The following DPP6 variants were observed in gnomAD, a reference collection of about 807,000 sequenced individuals.
The protein encoded by DPP6 is dipeptidyl peptidase like 6, also known as A-type potassium channel modulatory protein DPP6.
A neutral mutation model predicts 122.6 loss-of-function variants in DPP6; 69 were observed. The ratio of observed to expected loss-of-function variants is 0.56; its 90% CI spans 0.46 to 0.69. DPP6 has a LOEUF of 0.69. DPP6 is among the 30% of genes least tolerant of loss of function. The probability of loss-of-function intolerance (pLI) is 0.00; values close to 1 mark genes in which losing one functional copy is unlikely to be tolerated. For missense variants in DPP6, 928 were observed against 1,116.9 expected (o/e 0.83, Z 2.41); for synonymous variants, 418 against 433.1 (o/e 0.97, Z 0.43).
intron 8 of DPP6, among the ~76,000 whole-genome samples, chr7:154,768,691 A>T (rs2316243): frequency 1 from 152,039 of 152,326 alleles, 75,877 homozygotes; most frequent in Middle Eastern, 1. Context: ...TCGTTAAAAC[A>T]CTAACCAGGA....
At chr7:154,260,994 C>A (rs1049729972) in intron 1 of DPP6, among the ~76,000 whole-genome samples, 4 of 152,020 alleles carry the variant, frequency 2.6e-5, no homozygotes, top group Non-Finnish European at 5.9e-5. Flanking sequence ...CTCCTGGGTT[C>A]AAGTGATTCT....
chr7:154,822,406 T>G (rs2150500304), intron 16 of DPP6, among the ~76,000 whole-genome samples: 1 of 152,234 alleles, frequency 6.6e-6, no homozygotes, highest in South Asian at 2.1e-4. Flanking sequence ...CCTTTTTTAT[T>G]AAAACCCTAA....
At chr7:154,850,636 CATT>C (rs1243180398) in intron 16 of DPP6, among the ~76,000 whole-genome samples, 2 of 152,158 alleles carry the variant, frequency 1.3e-5, no homozygotes, top group Non-Finnish European at 2.9e-5. Context: ...TCTTCTTACT[CATT>C]ATTGATCTCT....
chr7:153,816,834 A>T, the DPP6 span, among the ~76,000 whole-genome samples: 3 of 151,776 alleles, frequency 2.0e-5, no homozygotes, highest in South Asian at 6.3e-4. Context: ...TAAGAGGGTG[A>T]TTTGTGGAAC....
intron 7 of DPP6, among the ~76,000 whole-genome samples, chr7:154,679,264 G>T (rs58383300): frequency 0.11 from 16,241 of 152,198 alleles, 941 homozygotes; most frequent in East Asian, 0.15. Context: ...TCCTGAAGTC[G>T]TCAGCCCCTT....
At chr7:154,368,238 A>T (rs538627411) in intron 1 of DPP6, among the ~76,000 whole-genome samples, 1 of 152,372 alleles carries the variant, frequency 6.6e-6, no homozygotes, top group South Asian at 2.1e-4. Flanking sequence ...TGCCAAGCAC[A>T]GGAATCTGGA....
the DPP6 span, among the ~76,000 whole-genome samples, chr7:153,789,642 G>C: frequency 2.0e-5 from 3 of 152,128 alleles, no homozygotes; most frequent in Non-Finnish European, 4.4e-5. Flanking sequence ...GTATTGATGA[G>C]AGAAAGAAGA....
intron 1 of DPP6, among the ~76,000 whole-genome samples, chr7:154,238,420 C>T (rs74616556): frequency 0.11 from 16,299 of 152,104 alleles, 1,293 homozygotes; most frequent in African/African-American, 0.22. Context: ...AAAATGAAAT[C>T]GAGGACAATA....
At chr7:153,827,419 A>G in the DPP6 span, among the ~76,000 whole-genome samples, 3 of 152,142 alleles carry the variant, frequency 2.0e-5, no homozygotes, top group African/African-American at 4.8e-5. Context: ...CACGTAAAAC[A>G]AATGTAAGAT....
rs535916887 is a variant in DPP6 at position 154,060,281 on chromosome 7, A to AT, written c.243+7218_243+7219insT. Among the ~76,000 whole-genome samples the AT allele has an allele frequency of 4.0e-3, 469 of 117,270 alleles. 28 individuals are homozygous for AT. The highest frequency in any genetic ancestry group is 0.015 in the African/African-American group (447 of 28,894). 76.9% of individuals were successfully genotyped at this position (117,270 alleles called of 152,430 possible). A position where few individuals can be genotyped will look rare whatever the true frequency, so the allele number is the denominator to read the frequency against. On this transcript the variant is annotated intron_variant, in intron 1 of 25. Coordinates refer to ENST00000377770, the MANE Select transcript of DPP6 (RefSeq NM_130797.4). ...GGCACCCCCCGCGAGGCAGGGACTG[A>AT]GAGGCAATCCCTCTTCCCCCCCTGG...
At chr7:154,684,781 C>T (rs7807148) in intron 7 of DPP6, among the ~76,000 whole-genome samples, 22,411 of 152,182 alleles carry the variant, frequency 0.15, 1,690 homozygotes, top group East Asian at 0.2. Flanking sequence ...AGTCGTGTTT[C>T]TAAAATTAGC....
chr7:153,817,972 G>A, the DPP6 span, among the ~76,000 whole-genome samples: 11,663 of 150,696 alleles, frequency 0.077, 527 homozygotes, highest in Non-Finnish European at 0.11. Context: ...TGGAGGTGGG[G>A]GAGGGTGAGT....
chr7:154,465,794 T>C (rs1374158711), intron 2 of DPP6, among the ~76,000 whole-genome samples: 2 of 152,194 alleles, frequency 1.3e-5, no homozygotes, highest in Non-Finnish European at 2.9e-5. Flanking sequence ...TGGAAGACAG[T>C]GTGTTGATTC....
chr7:154,693,718 C>CG (rs1449875214), intron 7 of DPP6, among the ~76,000 whole-genome samples: 1 of 152,174 alleles, frequency 6.6e-6, no homozygotes, highest in Non-Finnish European at 1.5e-5. Context: ...AAAACCCTGA[C>CG]GTGTGACATC....
intron 1 of DPP6, among the ~76,000 whole-genome samples, chr7:154,042,606 G>A (rs147417036): frequency 2.0e-5 from 3 of 152,160 alleles, no homozygotes; most frequent in Non-Finnish European, 2.9e-5. Flanking sequence ...TGACCAATAC[G>A]ATGAAGGGAA....
the DPP6 span, among the ~76,000 whole-genome samples, chr7:153,772,147 G>A: frequency 4.7e-3 from 722 of 152,206 alleles, 27 homozygotes; most frequent in Admixed American, 0.04. Flanking sequence ...CTAGTGGCAC[G>A]ATCTTGGCTC....
intron 3 of DPP6, among the ~76,000 whole-genome samples, chr7:154,504,343 C>T (rs1825500706): frequency 6.6e-6 from 1 of 152,164 alleles, no homozygotes; most frequent in African/African-American, 2.4e-5. Context: ...TGTATGATTT[C>T]TTGATCACCG....
rs967769698 is a variant in DPP6 at position 154,892,914 on chromosome 7, A to G, written c.*434A>G. ...ACACCCTGTCTCACGTCGCAGTGCC[A>G]TGGACGCAGCAGTTACAGCACCATT... On this transcript the variant is annotated 3_prime_UTR_variant, in exon 26 of 26. Transcript: ENST00000377770. 3 of 523,662 alleles carry G rather than the reference A, an allele frequency of 5.7e-6. No homozygotes were observed. The highest frequency in any genetic ancestry group is 1.1e-5 in the Non-Finnish European group (3 of 263,248). 32.4% of individuals were successfully genotyped at this position (523,662 alleles called of 1,614,324 possible). A position where few individuals can be genotyped will look rare whatever the true frequency, so the allele number is the denominator to read the frequency against.
intron 1 of DPP6, among the ~76,000 whole-genome samples, chr7:154,246,644 A>G (rs1350037277): frequency 1.3e-5 from 2 of 152,224 alleles, no homozygotes; most frequent in Non-Finnish European, 2.9e-5. Context: ...ATTTACTATG[A>G]AGTTACAGCA....
Sources: gnomAD v4.1 joint callset for allele counts (sites outside exome capture counted in the v4.1 genomes callset) on GRCh38, gnomAD v4.1.1 for gene constraint, MANE v1.5 for transcripts, NCBI Gene and HGNC (gene_info 2026-07-23, HGNC 2026-07-21) for gene names.